The following KCNH5 variants were observed in gnomAD, a reference collection of about 807,000 sequenced individuals.
KCNH5 encodes voltage-gated delayed rectifier potassium channel KCNH5.
Under a neutral mutation model 96.1 loss-of-function variants are expected in KCNH5, and 46 were observed. That is an observed-to-expected ratio of 0.48 (90% CI 0.38 to 0.61). KCNH5 has a LOEUF of 0.61. Ranked by LOEUF, KCNH5 falls within the 20% of genes least tolerant of loss-of-function variation. The probability of loss-of-function intolerance (pLI) is 0.00; values close to 1 mark genes in which losing one functional copy is unlikely to be tolerated. For missense variants in KCNH5, 907 were observed against 1,225.8 expected (o/e 0.74, Z 3.88); for synonymous variants, 439 against 449.8 (o/e 0.98, Z 0.30).
At chr14:62,780,417 C>T (rs943757090) in intron 9 of KCNH5, among the ~76,000 whole-genome samples, 3 of 152,116 alleles carry the variant, frequency 2.0e-5, no homozygotes, top group Non-Finnish European at 4.4e-5. Flanking sequence ...AAACTTGCCA[C>T]AACTTAGTTC....
chr14:62,995,932 G>T (rs914213034), intron 4 of KCNH5, among the ~76,000 whole-genome samples: 7 of 152,026 alleles, frequency 4.6e-5, no homozygotes, highest in Admixed American at 3.9e-4. Flanking sequence ...GTAAGACAAG[G>T]AGGATAAAAT....
chr14:62,800,105 A>G (rs1886630687), intron 9 of KCNH5, among the ~76,000 whole-genome samples: 1 of 151,896 alleles, frequency 6.6e-6, no homozygotes, highest in Admixed American at 6.6e-5. Context: ...CAAACAAAAA[A>G]TCCTGATCTG....
rs1239452366 is a variant in KCNH5, at chr14:63,045,118, G to T, written c.69C>A (p.Ser23=). Residue 23 remains serine (S), a synonymous_variant, in exon 1 of 11, where the codon TCC becomes TCA. Coordinates refer to ENST00000322893, the MANE Select transcript of KCNH5 (RefSeq NM_139318.5). ...NTFLENIVRR[S]SESSFLLGNA... ...CTGAACTACAACTCTCCTTACCACT[G>T]GAGCGCCTGACGATGTTCTCCAAAA... 1 of 1,613,402 alleles carries T rather than the reference G, an allele frequency of 6.2e-7. No homozygotes were observed. Among genetic ancestry groups the T allele is most frequent in the African/African-American group, 1.3e-5 (1 of 74,888 alleles).
At chr14:63,020,413 T>C (rs1037489827) in intron 1 of KCNH5, among the ~76,000 whole-genome samples, 21 of 152,096 alleles carry the variant, frequency 1.4e-4, no homozygotes, top group African/African-American at 4.3e-4. Flanking sequence ...CAAATGTCTA[T>C]TAAGAAGAGA....
chr14:62,849,443 G>A (rs181494557), intron 8 of KCNH5, among the ~76,000 whole-genome samples: 157 of 152,304 alleles, frequency 1.0e-3, no homozygotes, highest in Non-Finnish European at 1.1e-3. Flanking sequence ...TAAATTGAAT[G>A]TGATGACTGG....
intron 3 of KCNH5, among the ~76,000 whole-genome samples, chr14:63,005,464 G>A (rs1007081433): frequency 8.5e-5 from 13 of 152,166 alleles, no homozygotes; most frequent in South Asian, 4.1e-4. Context: ...CTGTTGAAGC[G>A]AGAATGTTTT....
At chr14:62,880,336 A>T (rs1888467447) in intron 7 of KCNH5, among the ~76,000 whole-genome samples, 1 of 152,242 alleles carries the variant, frequency 6.6e-6, no homozygotes, top group Non-Finnish European at 1.5e-5. Context: ...AATTCCATAT[A>T]CCACTGTGAA....
chr14:62,746,932 A>G (rs1464428501), intron 10 of KCNH5, among the ~76,000 whole-genome samples: 2 of 152,258 alleles, frequency 1.3e-5, no homozygotes, highest in Non-Finnish European at 2.9e-5. Context: ...AGAAAAATTA[A>G]ACTTCAAACA....
chr14:62,793,054 A>C (rs150268856), intron 9 of KCNH5, among the ~76,000 whole-genome samples: 1 of 151,950 alleles, frequency 6.6e-6, no homozygotes, highest in East Asian at 1.9e-4. Flanking sequence ...GCAGAAGTAC[A>C]AATATTTCAT....
At chr14:62,786,214 T>G (rs1235976626) in intron 9 of KCNH5, among the ~76,000 whole-genome samples, 1 of 151,966 alleles carries the variant, frequency 6.6e-6, no homozygotes, top group Non-Finnish European at 1.5e-5. Flanking sequence ...AATAAATAAA[T>G]AAAAATTACC....
In KCNH5 at chr14:62,981,039, G is replaced by GA; in HGVS notation, c.774dup (p.Leu259SerfsTer3). 1 of 1,614,140 alleles carries GA rather than the reference G, an allele frequency of 6.2e-7. No homozygotes were observed. Among genetic ancestry groups the GA allele is most frequent in the Non-Finnish European group, 8.5e-7 (1 of 1,180,016 alleles). Reference sequence around the variant, plus strand: ...TGAAAATTTAAAACGATGTCAACCAGAAAAATAACGTCCACCACACTATCC... The same window carrying GA: ...TGAAAATTTAAAACGATGTCAACCAGAAAAAATAACGTCCACCACACTATCC... On this transcript the variant is annotated frameshift_variant, in exon 6 of 11. Transcript: ENST00000322893. LOFTEE classifies it high-confidence loss of function.
chr14:62,885,411 G>A (rs961431048), intron 7 of KCNH5, among the ~76,000 whole-genome samples: 4 of 152,032 alleles, frequency 2.6e-5, no homozygotes, highest in African/African-American at 4.8e-5. Context: ...AATAATCATC[G>A]AAGAATAATA....
At chr14:62,977,254 C>T (rs1890519037) in intron 6 of KCNH5, among the ~76,000 whole-genome samples, 1 of 152,010 alleles carries the variant, frequency 6.6e-6, no homozygotes, top group Non-Finnish European at 1.5e-5. Flanking sequence ...CTAGTCCCAG[C>T]TGCTGGGGAA....
At chr14:62,899,423 C>A (rs1007982005) in intron 7 of KCNH5, among the ~76,000 whole-genome samples, 2 of 151,574 alleles carry the variant, frequency 1.3e-5, no homozygotes, top group African/African-American at 4.9e-5. Flanking sequence ...ATGATCTCGC[C>A]AAAAAATAAA....
chr14:62,781,948 T>C (rs1595619908), intron 9 of KCNH5, among the ~76,000 whole-genome samples: 1 of 152,206 alleles, frequency 6.6e-6, no homozygotes, highest in Non-Finnish European at 1.5e-5. Context: ...TTACAACTTA[T>C]GCTTAGAGAT....
intron 7 of KCNH5, among the ~76,000 whole-genome samples, chr14:62,889,171 C>T (rs934999593): frequency 1.3e-5 from 2 of 152,088 alleles, no homozygotes; most frequent in African/African-American, 4.8e-5. Flanking sequence ...ATGACAAAGG[C>T]TACTCATGGA....
chr14:62,840,505 T>C (rs1887555049), intron 8 of KCNH5, among the ~76,000 whole-genome samples: 1 of 145,978 alleles, frequency 6.9e-6, no homozygotes, highest in South Asian at 2.1e-4. Flanking sequence ...TCTCTTTCTT[T>C]TTTCTTTTTC....
intron 9 of KCNH5, among the ~76,000 whole-genome samples, chr14:62,794,026 C>T (rs1453822699): frequency 6.6e-6 from 1 of 151,978 alleles, no homozygotes; most frequent in Non-Finnish European, 1.5e-5. Flanking sequence ...ACATCCCTAT[C>T]TTGTGTTCTA....
intron 7 of KCNH5, among the ~76,000 whole-genome samples, chr14:62,905,769 C>T (rs973360954): frequency 2.0e-5 from 3 of 152,196 alleles, no homozygotes; most frequent in South Asian, 4.1e-4. Context: ...GCTTTGATCC[C>T]TTTCACTTGC....
Sources: allele counts gnomAD v4.1 joint callset (sites outside exome capture counted in the v4.1 genomes callset), GRCh38; gene constraint gnomAD v4.1.1; transcripts MANE v1.5; gene names NCBI Gene and HGNC (gene_info 2026-07-23, HGNC 2026-07-21).